Variants in TLN2 observed in about 807,000 individuals in gnomAD.
TLN2 encodes talin 2.
In TLN2, 118 loss-of-function variants were observed where a neutral mutation model predicts 294.7. That is an observed-to-expected ratio of 0.40 (90% CI 0.34 to 0.47). TLN2 has a LOEUF of 0.47. TLN2 is among the 20% of genes least tolerant of loss of function. The pLI is 0.84. For synonymous variants in TLN2, 1,431 were observed against 1,304.5 expected (o/e 1.10, Z -2.09); for missense variants, 3,083 against 3,282.2 (o/e 0.94, Z 1.48).
At chr15:62,409,881 C>G (rs879803223) in intron 1 of TLN2, among the ~76,000 whole-genome samples, 1 of 152,152 alleles carries the variant, frequency 6.6e-6, no homozygotes, top group African/African-American at 2.4e-5. Flanking sequence ...TGAATTTTTT[C>G]CCCCTAAAGA....
At chr15:62,472,095 CCTTT>C (rs1365362442) in intron 1 of TLN2, among the ~76,000 whole-genome samples, 3 of 152,178 alleles carry the variant, frequency 2.0e-5, no homozygotes, top group Non-Finnish European at 4.4e-5. Flanking sequence ...CCTGTTCCCA[CCTTT>C]CCCATGCACC....
intron 1 of TLN2, among the ~76,000 whole-genome samples, chr15:62,408,291 G>T (rs1186140480): frequency 1.3e-5 from 2 of 152,166 alleles, no homozygotes; most frequent in Non-Finnish European, 2.9e-5. Context: ...AAATGTGCTT[G>T]TATTAACTAA....
intron 1 of TLN2, among the ~76,000 whole-genome samples, chr15:62,564,059 A>G (rs1249205287): frequency 1.3e-5 from 2 of 152,176 alleles, no homozygotes; most frequent in African/African-American, 4.8e-5. Flanking sequence ...TTAAATAATG[A>G]GTTTTTAAAA....
At position 62,549,188 on chromosome 15, in the gene TLN2, C is replaced by T. The variant is rs115926692; in HGVS notation, c.-237-40499C>T. On this transcript the variant is annotated intron_variant, in intron 1 of 58. Coordinates refer to ENST00000636159, the MANE Select transcript of TLN2 (RefSeq NM_015059.3). ...GAGACCTTTCCTTCTTCCTGTAGGG[C>T]TCCCTGAGAGCCATACTCCAGTTAC... is the stretch of plus-strand genomic sequence containing the variant. 9.7e-3 allele frequency among the ~76,000 whole-genome samples: 1,476 copies of T among 152,276 alleles called. 16 individuals carry two copies. Among genetic ancestry groups the T allele is most frequent in the African/African-American group, 0.034 (1,423 of 41,528 alleles).
chr15:62,391,812 C>G lies in TLN2; in HGVS notation c.-238+1127C>G, dbSNP rs368671475. Among the ~76,000 whole-genome samples, 61 of 152,380 alleles carry G rather than the reference C, an allele frequency of 4.0e-4. 1 individual carries two copies. Among genetic ancestry groups the G allele is most frequent in the Middle Eastern group, 3.4e-3 (1 of 292 alleles). Reference sequence around the variant, plus strand: ...CGCCTTCCTCTGTCCCGCCTGGACCCGGCCTTGGGGCTCCGAGGCTCAGGG... The same window carrying G: ...CGCCTTCCTCTGTCCCGCCTGGACCGGGCCTTGGGGCTCCGAGGCTCAGGG... On this transcript the variant is annotated intron_variant, in intron 1 of 58. Coordinates refer to ENST00000636159, the MANE Select transcript of TLN2 (RefSeq NM_015059.3).
chr15:62,587,044 A>G (rs537473183), intron 1 of TLN2, among the ~76,000 whole-genome samples: 7 of 152,338 alleles, frequency 4.6e-5, no homozygotes, highest in African/African-American at 1.2e-4. Flanking sequence ...TCTAGCCAGC[A>G]TAAGTGAAAA....
intron 1 of TLN2, among the ~76,000 whole-genome samples, chr15:62,473,990 A>G (rs930576525): frequency 1.3e-5 from 2 of 152,222 alleles, no homozygotes; most frequent in African/African-American, 4.8e-5. Flanking sequence ...GCTACTTGGG[A>G]GGCTGAGGCA....
chr15:62,718,659 A>G (rs748632842), intron 24 of TLN2, among the ~76,000 whole-genome samples: 1 of 152,148 alleles, frequency 6.6e-6, no homozygotes, highest in Admixed American at 6.5e-5. Flanking sequence ...TCCTGTGTGG[A>G]TAGAGAAGGA....
intron 1 of TLN2, among the ~76,000 whole-genome samples, chr15:62,551,192 G>A (rs1233551504): frequency 6.6e-6 from 1 of 152,070 alleles, no homozygotes; most frequent in African/African-American, 2.4e-5. Context: ...TGTGAGTGAT[G>A]GGGAGCAGTT....
intron 1 of TLN2, among the ~76,000 whole-genome samples, chr15:62,572,528 G>A (rs901189919): frequency 3.3e-5 from 5 of 152,320 alleles, no homozygotes; most frequent in African/African-American, 1.2e-4. Flanking sequence ...TTACAGGGCA[G>A]CCTTTTTTTC....
chr15:62,435,852 T>A (rs2035263884), intron 1 of TLN2, among the ~76,000 whole-genome samples: 1 of 152,248 alleles, frequency 6.6e-6, no homozygotes, highest in South Asian at 2.1e-4. Context: ...TTGCTGTTTA[T>A]GTATTATGGA....
chr15:62,745,871 G>A (rs1045726919), intron 32 of TLN2, among the ~76,000 whole-genome samples: 8 of 152,176 alleles, frequency 5.3e-5, no homozygotes, highest in South Asian at 2.1e-4. Flanking sequence ...TTAGTTATGG[G>A]AATTCGTGAT....
chr15:62,471,882 G>A (rs1284808263), intron 1 of TLN2, among the ~76,000 whole-genome samples: 1 of 115,546 alleles, frequency 8.7e-6, no homozygotes, highest in African/African-American at 2.7e-5. Flanking sequence ...ATGGCAGCAG[G>A]AGGATGGGGG....
chr15:62,766,860 T>C (rs2063040169), intron 41 of TLN2, among the ~76,000 whole-genome samples: 1 of 152,150 alleles, frequency 6.6e-6, no homozygotes, highest in Non-Finnish European at 1.5e-5. Flanking sequence ...CTCTTAGACA[T>C]AATGAGGCAA....
rs141756235 is a variant in TLN2, at chr15:62,396,129, T to G, written c.-238+5444T>G. ...GATTACAGGCATGAGCCACTGTGCCTGGCCTTATTTCTGATTTTAAAAAAG... is the reference window on the plus strand; with the variant it reads ...GATTACAGGCATGAGCCACTGTGCCGGGCCTTATTTCTGATTTTAAAAAAG... On this transcript the variant is annotated intron_variant, in intron 1 of 58. Transcript: ENST00000636159. 5.6e-4 allele frequency among the ~76,000 whole-genome samples: 86 copies of G among 152,332 alleles called. No homozygotes were observed. The East Asian group carries it at 0.016, about 28-fold the overall frequency.
In TLN2 at chr15:62,414,928, T is replaced by C. The variant is rs541432766; in HGVS notation, c.-238+24243T>C. Among the ~76,000 whole-genome samples, 91 of 140,988 alleles carry C rather than the reference T, an allele frequency of 6.5e-4. 14 individuals carry two copies. Among genetic ancestry groups the C allele is most frequent in the Admixed American group, 2.6e-3 (33 of 12,916 alleles). The allele number at this position is 140,988 out of a possible 152,430, so 92.5% of individuals were successfully genotyped here. ...TATTATTTATTTATTTATTTATTAT[T>C]GAAATGGAGTTTCGCTCTTGCTGCC... is the stretch of plus-strand genomic sequence containing the variant. On this transcript the variant is annotated intron_variant, in intron 1 of 58. Coordinates refer to ENST00000636159, the MANE Select transcript of TLN2 (RefSeq NM_015059.3).
intron 7 of TLN2, among the ~76,000 whole-genome samples, chr15:62,654,349 T>C (rs956700742): frequency 2.0e-5 from 3 of 152,260 alleles, no homozygotes; most frequent in Non-Finnish European, 4.4e-5. Context: ...CTTTCTTCAG[T>C]GGTGATGTGC....
At chr15:62,780,672 G>A (rs1385748570) in intron 43 of TLN2, among the ~76,000 whole-genome samples, 1 of 152,160 alleles carries the variant, frequency 6.6e-6, no homozygotes, top group African/African-American at 2.4e-5. Flanking sequence ...CATAAAGAAC[G>A]GTTCCGTGGA....
chr15:62,408,093 G>A (rs960483938), intron 1 of TLN2, among the ~76,000 whole-genome samples: 5 of 152,084 alleles, frequency 3.3e-5, no homozygotes, highest in African/African-American at 1.2e-4. Flanking sequence ...CATGCTAATT[G>A]TCCCTCCGTT....
Sources: gnomAD v4.1 joint callset for allele counts (sites outside exome capture counted in the v4.1 genomes callset) on GRCh38, gnomAD v4.1.1 for gene constraint, MANE v1.5 for transcripts, NCBI Gene and HGNC (gene_info 2026-07-23, HGNC 2026-07-21) for gene names.